COLEC10: variants seen among roughly 807,000 people sequenced by gnomAD.
COLEC10 encodes the protein collectin subfamily member 10.
COLEC10 carries 22 observed loss-of-function variants against 28.4 expected under a neutral mutation model. That is an observed-to-expected ratio of 0.78 (90% CI 0.55 to 1.11). The LOEUF (loss-of-function observed/expected upper bound fraction) is 1.11, where lower values mean the gene tolerates loss of function less well. COLEC10 is among the 50% of genes least tolerant of loss of function. The probability of loss-of-function intolerance (pLI) is 0.00; values close to 1 mark genes in which losing one functional copy is unlikely to be tolerated. For missense variants in COLEC10, 361 were observed against 344.1 expected, an observed-to-expected ratio of 1.05 and a Z score of -0.39; for synonymous variants, 125 against 116.1, an observed-to-expected ratio of 1.08 and a Z score of -0.49.
chr8:119,023,902 T>G (rs1814140329), intron 2 of COLEC10, among the ~76,000 whole-genome samples: 1 of 139,184 alleles, frequency 7.2e-6, no homozygotes, highest in African/African-American at 2.8e-5. Context: ...TGCATGGTAG[T>G]CCTGTACACC....
intron 1 of COLEC10, among the ~76,000 whole-genome samples, chr8:118,999,340 C>T (rs1813647051): frequency 6.6e-6 from 1 of 151,972 alleles, no homozygotes; most frequent in African/African-American, 2.4e-5. Flanking sequence ...CCTGTAATCC[C>T]AGCACTTTGG....
At chr8:119,020,647 A>G (rs1407848212) in intron 2 of COLEC10, among the ~76,000 whole-genome samples, 4 of 152,154 alleles carry the variant, frequency 2.6e-5, no homozygotes, top group East Asian at 1.9e-4. Context: ...AATAATTTCT[A>G]TGGTTACCTG....
intron 1 of COLEC10, among the ~76,000 whole-genome samples, chr8:119,082,452 G>T (rs759123135): frequency 3.5e-4 from 53 of 152,156 alleles, no homozygotes; most frequent in Non-Finnish European, 6.6e-4. Flanking sequence ...CCTATTTACT[G>T]CTTCTCAGAC....
intron 2 of COLEC10, among the ~76,000 whole-genome samples, chr8:119,030,572 G>A (rs1814269866): frequency 6.6e-6 from 1 of 152,260 alleles, no homozygotes; most frequent in Middle Eastern, 3.4e-3. Context: ...GACTCATCAT[G>A]TGAATATAAA....
chr8:119,053,787 T>C (rs760495565), intron 2 of COLEC10, among the ~76,000 whole-genome samples: 5 of 152,098 alleles, frequency 3.3e-5, no homozygotes, highest in Non-Finnish European at 7.4e-5. Flanking sequence ...ATTTAGTCTG[T>C]TGACTTCAAA....
At chr8:119,068,302 T>A (rs1486284968) in intron 1 of COLEC10, 1 of 152,216 alleles carries the variant, frequency 6.6e-6, no homozygotes, top group Non-Finnish European at 1.5e-5. Flanking sequence ...AAATGTGTAT[T>A]GCTTAAAGTG....
the COLEC10 span, among the ~76,000 whole-genome samples, chr8:118,963,075 G>T: frequency 6.6e-6 from 1 of 152,240 alleles, no homozygotes; most frequent in East Asian, 1.9e-4. Flanking sequence ...GCATGCAGAG[G>T]GGGAAGGGAG....
At chr8:119,031,626 G>GT (rs1225319681) in intron 2 of COLEC10, among the ~76,000 whole-genome samples, 1 of 152,220 alleles carries the variant, frequency 6.6e-6, no homozygotes, top group Non-Finnish European at 1.5e-5. Context: ...AAAGAGCATA[G>GT]TAAGTAGGGT....
chr8:119,031,624 T>C (rs1221598035), intron 2 of COLEC10, among the ~76,000 whole-genome samples: 1 of 152,206 alleles, frequency 6.6e-6, no homozygotes, highest in Non-Finnish European at 1.5e-5. Context: ...TGAAAGAGCA[T>C]AGTAAGTAGG....
At chr8:119,094,039 G>T (rs1401979504) in intron 3 of COLEC10, among the ~76,000 whole-genome samples, 1 of 152,254 alleles carries the variant, frequency 6.6e-6, no homozygotes, top group East Asian at 1.9e-4. Flanking sequence ...TGACTTCCAT[G>T]TATACTTATT....
chr8:119,061,188 T>G (rs1814849152), intron 2 of COLEC10, among the ~76,000 whole-genome samples: 2 of 151,970 alleles, frequency 1.3e-5, no homozygotes, highest in South Asian at 4.1e-4. Context: ...TTGAAAGACA[T>G]GAGTGGAGAA....
intron 1 of COLEC10, among the ~76,000 whole-genome samples, chr8:119,083,353 A>C (rs1356360571): frequency 6.6e-6 from 1 of 152,196 alleles, no homozygotes; most frequent in East Asian, 1.9e-4. Context: ...AGTTCTAAAT[A>C]AAATCCTCAA....
At chr8:118,956,494 G>A in the COLEC10 span, among the ~76,000 whole-genome samples, 10,681 of 152,208 alleles carry the variant, frequency 0.07, 422 homozygotes, top group South Asian at 0.092. Flanking sequence ...ACAGGGATCT[G>A]TTGTTCTGAT....
At chr8:118,968,127 GT>G in the COLEC10 span, among the ~76,000 whole-genome samples, 22 of 151,046 alleles carry the variant, frequency 1.5e-4, no homozygotes, top group Admixed American at 4.0e-4. Context: ...GTGTTTAGAG[GT>G]TTTTTTTAAA....
intron 1 of COLEC10, among the ~76,000 whole-genome samples, chr8:119,074,940 A>T (rs1009414880): frequency 1.3e-5 from 2 of 152,144 alleles, no homozygotes; most frequent in South Asian, 2.1e-4. Context: ...CTTCATAGGG[A>T]TGTGGTGAGG....
At chr8:119,020,304 G>A (rs373472087) in intron 2 of COLEC10, among the ~76,000 whole-genome samples, 7 of 152,142 alleles carry the variant, frequency 4.6e-5, no homozygotes, top group African/African-American at 1.7e-4. Context: ...TTTAACCACC[G>A]TTAAATAAAT....
At chr8:118,995,462 A>C (rs1304285723) in exon 1 of COLEC10, 1 of 152,212 alleles carries the variant, frequency 6.6e-6, no homozygotes, top group Non-Finnish European at 1.5e-5. Flanking sequence ...TGAATCAGAG[A>C]ATATTGCGGC....
intron 2 of COLEC10, among the ~76,000 whole-genome samples, chr8:119,030,144 C>A (rs17176952): frequency 0.58 from 88,690 of 151,934 alleles, 26,560 homozygotes; most frequent in African/African-American, 0.72. Context: ...AGTAAAGCCA[C>A]GTGGTTGGGT....
intron 1 of COLEC10, among the ~76,000 whole-genome samples, chr8:119,081,574 T>A (rs772907565): frequency 6.6e-6 from 1 of 152,120 alleles, no homozygotes; most frequent in Non-Finnish European, 1.5e-5. Flanking sequence ...ATGAAAAAAA[T>A]GTTTTTCGAT....
Sources: gnomAD v4.1 joint callset for allele counts (sites outside exome capture counted in the v4.1 genomes callset) on GRCh38, gnomAD v4.1.1 for gene constraint, MANE v1.5 for transcripts, NCBI Gene and HGNC (gene_info 2026-07-23, HGNC 2026-07-21) for gene names.